BNC2: variants seen among roughly 807,000 people sequenced by gnomAD.
The protein encoded by BNC2 is zinc finger protein basonuclin-2.
A neutral mutation model predicts 76.3 loss-of-function variants in BNC2; 20 were observed. The ratio of observed to expected loss-of-function variants is 0.26; its 90% CI spans 0.18 to 0.38. BNC2 has a LOEUF of 0.38. BNC2 is among the 10% of genes least tolerant of loss of function. BNC2 has a pLI of 1.00. For synonymous variants in BNC2, 582 were observed against 514.8 expected (o/e 1.13, Z -1.77); for missense variants, 1,382 against 1,399.8 (o/e 0.99, Z 0.20).
At chr9:16,482,007 G>T (rs1057317541) in intron 5 of BNC2, among the ~76,000 whole-genome samples, 3 of 152,126 alleles carry the variant, frequency 2.0e-5, no homozygotes, top group African/African-American at 4.8e-5. Context: ...AATAAAATAA[G>T]TACTCAATAA....
At chr9:16,751,419 T>A (rs1172921442) in intron 1 of BNC2, among the ~76,000 whole-genome samples, 2 of 151,924 alleles carry the variant, frequency 1.3e-5, no homozygotes, top group Admixed American at 1.3e-4. Context: ...AGATCAGCAA[T>A]GAACTCTCTC....
chr9:16,625,469 C>A (rs1377169270), intron 3 of BNC2, among the ~76,000 whole-genome samples: 3 of 152,208 alleles, frequency 2.0e-5, no homozygotes, highest in African/African-American at 7.2e-5. Context: ...TTCAGTCTTG[C>A]TACTCAGGGA....
In BNC2 at chr9:16,419,064, G is replaced by C; in HGVS notation, c.3225C>G (p.Ser1075=). The change falls in exon 7 of 7, where the codon TCC becomes TCG. Residue 1075 remains serine, a synonymous_variant. Transcript: ENST00000380672. Reference sequence around the variant, plus strand: ...TGTGCCGATTTCGGCTTCGTACAGAGGAAAACATCATATTGCAACCTGGGA... The same window carrying C: ...TGTGCCGATTTCGGCTTCGTACAGACGAAAACATCATATTGCAACCTGGGA... The part of the protein sequence containing the change: ...CKVPGCNMMF[S]SVRSRNRHSQ... 4 of 1,614,178 alleles carry C rather than the reference G, an allele frequency of 2.5e-6. No individual in the cohort carries two copies. The highest frequency in any genetic ancestry group is 2.5e-6 in the Non-Finnish European group (3 of 1,180,036).
At chr9:16,675,885 A>G (rs955702681) in intron 3 of BNC2, among the ~76,000 whole-genome samples, 1 of 152,076 alleles carries the variant, frequency 6.6e-6, no homozygotes, top group African/African-American at 2.4e-5. Context: ...TCAGCTACCC[A>G]TGTGAAATTT....
chr9:16,558,405 G>C (rs1314704376), intron 4 of BNC2, among the ~76,000 whole-genome samples: 1 of 152,112 alleles, frequency 6.6e-6, no homozygotes, highest in African/African-American at 2.4e-5. Context: ...CAAATATCTA[G>C]TACTGATAAT....
Position 16,437,150 on chromosome 9 carries a change from T to C in BNC2, c.1044A>G (p.Pro348=), listed in dbSNP as rs1342948259. The C allele has an allele frequency of 1.2e-6, 2 of 1,614,206 alleles. No homozygotes were observed. Among genetic ancestry groups the C allele is most frequent in the Non-Finnish European group, 1.7e-6 (2 of 1,180,038 alleles). Reference sequence around the variant, plus strand: ...GGCTGGGTTCCCGCAGCCTCAACCCTGGTTGCTCTAACAGTAGCCCATTTG... The same window carrying C: ...GGCTGGGTTCCCGCAGCCTCAACCCCGGTTGCTCTAACAGTAGCCCATTTG... ...LPPNGLLLEQ[P]GLRLREPSLS... Residue 348 remains proline (P), a synonymous_variant, in exon 6 of 7, where the codon CCA becomes CCG. Transcript: ENST00000380672.
intron 3 of BNC2, among the ~76,000 whole-genome samples, chr9:16,606,628 C>G (rs7872838): frequency 0.18 from 27,797 of 151,614 alleles, 4,496 homozygotes; most frequent in African/African-American, 0.44. Flanking sequence ...CACCCCACAA[C>G]GTTCAAGCAA....
chr9:16,494,684 G>A (rs1822349334), intron 5 of BNC2, among the ~76,000 whole-genome samples: 1 of 152,162 alleles, frequency 6.6e-6, no homozygotes, highest in South Asian at 2.1e-4. Context: ...TGCAGTCAGA[G>A]ATGAAGGGAA....
At chr9:16,727,622 T>G in intron 3 of BNC2, 175 bp downstream of exon 3, 1 of 622,422 alleles carries the variant, frequency 1.6e-6, no homozygotes, top group Non-Finnish European at 2.8e-6. Flanking sequence ...AGGGAAACCA[T>G]GAAGTAACCC....
chr9:16,845,072 G>A (rs1406175620), intron 1 of BNC2, among the ~76,000 whole-genome samples: 1 of 152,136 alleles, frequency 6.6e-6, no homozygotes, highest in Non-Finnish European at 1.5e-5. Context: ...GTACTTCACA[G>A]CGAACTGATG....
chr9:16,647,833 T>A (rs745730399), intron 3 of BNC2, among the ~76,000 whole-genome samples: 10 of 152,314 alleles, frequency 6.6e-5, no homozygotes, highest in East Asian at 3.9e-4. Context: ...TAGATCAATA[T>A]GCTATTCCAG....
intron 5 of BNC2, among the ~76,000 whole-genome samples, chr9:16,514,249 T>TTGAAATTAGGTTTGAA (rs1210524513): frequency 1.3e-5 from 2 of 152,182 alleles, no homozygotes; most frequent in African/African-American, 4.8e-5. Context: ...GCCTGAGAGT[T>TTGAAATTAGGTTTGAA]ACTAGGTTTC....
intron 1 of BNC2, among the ~76,000 whole-genome samples, chr9:16,812,404 T>C (rs1162195025): frequency 3.3e-5 from 5 of 152,202 alleles, no homozygotes; most frequent in Admixed American, 6.5e-5. Context: ...GCTGGTCTCG[T>C]ATCAAAAAGA....
At position 16,501,331 on chromosome 9, in the gene BNC2, T is replaced by C. The variant is rs191086671; in HGVS notation, c.669+51199A>G. On this transcript the variant is annotated intron_variant, in intron 5 of 6. Coordinates refer to ENST00000380672, the MANE Select transcript of BNC2 (RefSeq NM_017637.6). ...GGAACAAGGGAAGTAACTTATCTCA[T>C]GAGTCAGCAATGAAAACCATTCCTC... Among the ~76,000 whole-genome samples the C allele has an allele frequency of 2.0e-5, 3 of 152,308 alleles. No individual in the cohort carries two copies. In the East Asian group the frequency reaches 5.8e-4, roughly 29 times the overall value.
intron 3 of BNC2, among the ~76,000 whole-genome samples, chr9:16,609,334 A>AG (rs1299775705): frequency 2.0e-5 from 3 of 152,010 alleles, no homozygotes; most frequent in Non-Finnish European, 2.9e-5. Context: ...TTTCCAATAG[A>AG]GGGGGGGAAA....
At chr9:16,446,744 T>G (rs1307150821) in intron 5 of BNC2, among the ~76,000 whole-genome samples, 1 of 151,950 alleles carries the variant, frequency 6.6e-6, no homozygotes, top group Non-Finnish European at 1.5e-5. Flanking sequence ...TTTTCTTCAG[T>G]AACAGTCTAT....
intron 1 of BNC2, among the ~76,000 whole-genome samples, chr9:16,738,817 C>T (rs1468790212): frequency 9.4e-5 from 14 of 148,636 alleles, no homozygotes; most frequent in Admixed American, 5.4e-4. Flanking sequence ...ACCCCCACCC[C>T]CATCCTCCCG....
chr9:16,523,328 G>A (rs576185936), intron 5 of BNC2, among the ~76,000 whole-genome samples: 189 of 151,514 alleles, frequency 1.2e-3, no homozygotes, highest in African/African-American at 3.9e-3. Flanking sequence ...AAAATTAGCC[G>A]GGCAGGGTGG....
intron 1 of BNC2, among the ~76,000 whole-genome samples, chr9:16,744,512 A>ATT (rs1824944300): frequency 1.3e-5 from 2 of 152,218 alleles, no homozygotes; most frequent in African/African-American, 4.8e-5. Context: ...TAGACAAACT[A>ATT]TAAAAGACGC....
Sources: gnomAD v4.1 joint callset for allele counts (sites outside exome capture counted in the v4.1 genomes callset) on GRCh38, gnomAD v4.1.1 for gene constraint, MANE v1.5 for transcripts, NCBI Gene and HGNC (gene_info 2026-07-23, HGNC 2026-07-21) for gene names.